The following SLC9A9 variants were observed in gnomAD, a reference collection of about 807,000 sequenced individuals.
The protein encoded by SLC9A9 is sodium/hydrogen exchanger 9.
In SLC9A9, 62 loss-of-function variants were observed where a neutral mutation model predicts 77.8. That is an observed-to-expected ratio of 0.80 (90% CI 0.65 to 0.98). The LOEUF is 0.98. Ranked by LOEUF, SLC9A9 falls within the 50% of genes least tolerant of loss-of-function variation. The pLI is 0.00. For missense variants in SLC9A9, 775 were observed against 774.9 expected (o/e 1.00, Z 0.00); for synonymous variants, 320 against 283.5 (o/e 1.13, Z -1.29).
At chr3:143,359,610 T>C (rs1057391817) in intron 14 of SLC9A9, among the ~76,000 whole-genome samples, 18 of 151,444 alleles carry the variant, frequency 1.2e-4, no homozygotes, top group Admixed American at 9.9e-4. Flanking sequence ...GGGGAAAGAG[T>C]AGGATAGGAG....
rs146150189 is a variant in SLC9A9, at chr3:143,514,623, A to T, written c.1090-19175T>A. ...CTTCTACATCAGCACTTGCTGCTTC[A>T]CCTTGCACTTTTATGTTATGGAGAC... On this transcript the variant is annotated intron_variant, in intron 9 of 15. Transcript: ENST00000316549. Among the ~76,000 whole-genome samples the T allele has an allele frequency of 7.5e-3, 1,143 of 152,338 alleles. 7 individuals carry two copies. Among genetic ancestry groups the T allele is most frequent in the Non-Finnish European group, 0.012 (825 of 68,032 alleles).
intron 5 of SLC9A9, among the ~76,000 whole-genome samples, chr3:143,658,367 C>T (rs1418862322): frequency 1.3e-5 from 2 of 152,188 alleles, no homozygotes; most frequent in Non-Finnish European, 2.9e-5. Flanking sequence ...AGAAAATATT[C>T]CCTCCAGTCA....
intron 14 of SLC9A9, among the ~76,000 whole-genome samples, chr3:143,271,916 T>TA (rs1937910180): frequency 6.6e-6 from 1 of 152,184 alleles, no homozygotes; most frequent in Non-Finnish European, 1.5e-5. Flanking sequence ...CAGTGCTTGC[T>TA]ATATATTATG....
At chr3:143,594,491 G>A (rs768509256) in intron 6 of SLC9A9, among the ~76,000 whole-genome samples, 2 of 152,100 alleles carry the variant, frequency 1.3e-5, no homozygotes, top group Non-Finnish European at 2.9e-5. Context: ...TTAACCAGGT[G>A]GCCAAAGTCA....
intron 9 of SLC9A9, among the ~76,000 whole-genome samples, chr3:143,539,810 T>C (rs2108628761): frequency 6.6e-6 from 1 of 152,172 alleles, no homozygotes; most frequent in South Asian, 2.1e-4. Flanking sequence ...TAGAAGGACA[T>C]GAAATTTATA....
At chr3:143,502,742 G>T (rs1403415490) in intron 9 of SLC9A9, among the ~76,000 whole-genome samples, 1 of 152,000 alleles carries the variant, frequency 6.6e-6, no homozygotes, top group African/African-American at 2.4e-5. Flanking sequence ...GAAATTCGTT[G>T]AAACCGAGAT....
intron 1 of SLC9A9, among the ~76,000 whole-genome samples, chr3:143,834,486 G>T (rs1470271215): frequency 1.3e-5 from 2 of 151,440 alleles, no homozygotes; most frequent in Admixed American, 1.3e-4. Context: ...TACAAAGACG[G>T]GAAGCACAAG....
At chr3:143,378,970 G>T (rs1485279283) in intron 13 of SLC9A9, among the ~76,000 whole-genome samples, 2 of 151,754 alleles carry the variant, frequency 1.3e-5, no homozygotes, top group African/African-American at 4.8e-5. Context: ...ATTCCCAAAA[G>T]TTATTTTACT....
chr3:143,515,187 A>T (rs775892353), intron 9 of SLC9A9, among the ~76,000 whole-genome samples: 48 of 152,366 alleles, frequency 3.2e-4, no homozygotes, highest in African/African-American at 9.9e-4. Context: ...ACAGACAACT[A>T]TTAAGTTTGC....
At chr3:143,610,239 C>T (rs1194550778) in intron 6 of SLC9A9, among the ~76,000 whole-genome samples, 1 of 152,092 alleles carries the variant, frequency 6.6e-6, no homozygotes, top group African/African-American at 2.4e-5. Flanking sequence ...GCCTTGATCT[C>T]CCAGGCTCAA....
At chr3:143,565,782 G>T (rs960834374) in intron 8 of SLC9A9, among the ~76,000 whole-genome samples, 1 of 151,888 alleles carries the variant, frequency 6.6e-6, no homozygotes, top group African/African-American at 2.4e-5. Flanking sequence ...GGTTAAGTTG[G>T]ATTCACCTGG....
At chr3:143,539,707 C>A (rs905200721) in intron 9 of SLC9A9, among the ~76,000 whole-genome samples, 1 of 152,116 alleles carries the variant, frequency 6.6e-6, no homozygotes, top group African/African-American at 2.4e-5. Context: ...GACCATCTGT[C>A]TTGAGTGTTA....
At chr3:143,300,030 C>G (rs16853378) in intron 14 of SLC9A9, among the ~76,000 whole-genome samples, 1 of 152,182 alleles carries the variant, frequency 6.6e-6, no homozygotes, top group Admixed American at 6.5e-5. Context: ...CCATCCCAGA[C>G]TCTATGTGAG....
intron 12 of SLC9A9, among the ~76,000 whole-genome samples, chr3:143,428,929 C>G (rs1196887198): frequency 6.6e-6 from 1 of 152,070 alleles, no homozygotes; most frequent in South Asian, 2.1e-4. Flanking sequence ...GGATGGGGAT[C>G]AGGAGGAGAG....
At chr3:143,458,123 T>G (rs2035125552) in intron 12 of SLC9A9, among the ~76,000 whole-genome samples, 1 of 152,184 alleles carries the variant, frequency 6.6e-6, no homozygotes, top group African/African-American at 2.4e-5. Context: ...TATTCTTAGG[T>G]GCATACACAT....
intron 14 of SLC9A9, among the ~76,000 whole-genome samples, chr3:143,349,014 C>T (rs940109483): frequency 1.3e-5 from 2 of 152,304 alleles, no homozygotes; most frequent in African/African-American, 4.8e-5. Context: ...TCCCAAGAAT[C>T]CCCTGATCTT....
rs111797525 is a variant in SLC9A9, at chr3:143,324,148, A to G, written c.1604+39336T>C. On this transcript the variant is annotated intron_variant, in intron 14 of 15. Coordinates refer to ENST00000316549, the MANE Select transcript of SLC9A9 (RefSeq NM_173653.4). ...TTACTTGACCTAAAGTACCTGCTCT[A>G]TTGGGAGGGGGTAGAGGGAGGGGCA... Among the ~76,000 whole-genome samples, 30 of 152,174 alleles carry G rather than the reference A, an allele frequency of 2.0e-4. 1 individual carries two copies. The highest frequency in any genetic ancestry group is 7.0e-4 in the African/African-American group (29 of 41,540).
At chr3:143,843,674 A>C (rs2009762017) in intron 1 of SLC9A9, among the ~76,000 whole-genome samples, 1 of 152,168 alleles carries the variant, frequency 6.6e-6, no homozygotes, top group Non-Finnish European at 1.5e-5. Context: ...CCAGCCCTCA[A>C]ATGCACAGGA....
At chr3:143,368,592 A>C (rs544930734) in intron 13 of SLC9A9, among the ~76,000 whole-genome samples, 4 of 152,306 alleles carry the variant, frequency 2.6e-5, no homozygotes, top group African/African-American at 9.6e-5. Context: ...ATGTCAGTGG[A>C]AGTTGCATCA....
Sources: allele counts gnomAD v4.1 joint callset (sites outside exome capture counted in the v4.1 genomes callset), GRCh38; gene constraint gnomAD v4.1.1; transcripts MANE v1.5; gene names NCBI Gene and HGNC (gene_info 2026-07-23, HGNC 2026-07-21).